Variants in PCDHGA11 observed in about 807,000 individuals in gnomAD.
The protein encoded by PCDHGA11 is protocadherin gamma subfamily A, 11.
Under a neutral mutation model 60.4 loss-of-function variants are expected in PCDHGA11, and 39 were observed. The observed-to-expected ratio is 0.65, with a 90% CI of 0.50 to 0.84. The LOEUF is 0.84. Among genes scored for constraint, PCDHGA11 ranks in the 40% least tolerant of loss-of-function variants. The probability of loss-of-function intolerance (pLI) is 0.00; values close to 1 mark genes in which losing one functional copy is unlikely to be tolerated. For synonymous variants in PCDHGA11, 533 were observed against 510.3 expected (o/e 1.04, Z -0.60); for missense variants, 1,165 against 1,197.7 (o/e 0.97, Z 0.40).
Position 141,489,806 on chromosome 5 carries a change from A to G in PCDHGA11, c.2434-5001A>G. 1 of 1,614,198 alleles carries G rather than the reference A, an allele frequency of 6.2e-7. No homozygotes were observed. Among genetic ancestry groups the G allele is most frequent in the South Asian group, 1.1e-5 (1 of 91,082 alleles). Reference sequence around the variant, plus strand: ...AATGTGAAGACCCTAAAAGATGGGAAGCCATTCCCAGAGCTGGTGCTAGAG... The same window carrying G: ...AATGTGAAGACCCTAAAAGATGGGAGGCCATTCCCAGAGCTGGTGCTAGAG... On this transcript the variant is annotated intron_variant, in intron 1 of 3. Coordinates refer to ENST00000398587, the MANE Select transcript of PCDHGA11 (RefSeq NM_018914.3). The surrounding 1 kb of genome is among the most constrained non-coding windows in gnomAD (Gnocchi z 4.5).
chr5:141,427,268 A>G (rs1433017911), intron 1 of PCDHGA11: 7 of 456,648 alleles, frequency 1.5e-5, no homozygotes, highest in Non-Finnish European at 3.1e-5. Flanking sequence ...TGACCAGCGA[A>G]TGTAAAATTA....
At position 141,490,960 on chromosome 5, in the gene PCDHGA11, T is replaced by G. The variant is rs1384140919; in HGVS notation, c.2434-3847T>G. 1.9e-6 allele frequency: 3 copies of G among 1,613,794 alleles called. No individual in the cohort carries two copies. In the Admixed American group the frequency reaches 5.0e-5, roughly 27 times the overall value. On this transcript the variant is annotated intron_variant, in intron 1 of 3. Transcript: ENST00000398587. The surrounding 1 kb of genome is among the most constrained non-coding windows in gnomAD (Gnocchi z 5.4). ...GCACCCACGGCCAGACTGGGAACAC[T>G]CAGCCCCCCAGCGTCTCCCTCGCTC...
chr5:141,509,179 C>T (rs895281717), intron 3 of PCDHGA11, among the ~76,000 whole-genome samples: 1 of 152,172 alleles, frequency 6.6e-6, no homozygotes, highest in African/African-American at 2.4e-5. Flanking sequence ...TCCTCTTATG[C>T]CGGCTTGAAA....
At chr5:141,471,504 G>A (rs1487198851) in intron 1 of PCDHGA11, 1 of 152,214 alleles carries the variant, frequency 6.6e-6, no homozygotes, top group Non-Finnish European at 1.5e-5. Flanking sequence ...ATGCAAGAGA[G>A]GGAGTAAAAA....
In PCDHGA11 at chr5:141,510,976, G is replaced by A. The variant is rs752758180; in HGVS notation, c.2611G>A (p.Gly871Arg). The change falls in exon 4 of 4, where the codon GGG (glycine) becomes AGG (arginine). Residue 871 changes from glycine to arginine, a missense_variant. Gly to Arg is a moderately radical substitution (Grantham distance 125, BLOSUM62 -2). Transcript: ENST00000398587. ...EAADGSSTLG[G>R]GAGTMGLSAR... ...TGCTGATGGGAGCTCCACCCTGGGA[G>A]GGGGTGCCGGCACCATGGGATTGAG... The A allele has an allele frequency of 5.0e-6, 8 of 1,614,046 alleles. No individual in the cohort carries two copies. The highest frequency in any genetic ancestry group is 6.8e-6 in the Non-Finnish European group (8 of 1,180,022).
At position 141,508,909 on chromosome 5, in the gene PCDHGA11, G is replaced by A. The variant is rs545345992; in HGVS notation, c.2582-2038G>A. ...GAGGGGAGGGGGCGGGGCGGTGGCG[G>A]ATCTGGCTTCCTTTTGGAGTTAATT... is the stretch of plus-strand genomic sequence containing the variant. On this transcript the variant is annotated intron_variant, in intron 3 of 3. Coordinates refer to ENST00000398587, the MANE Select transcript of PCDHGA11 (RefSeq NM_018914.3). 2.0e-5 allele frequency among the ~76,000 whole-genome samples: 3 copies of A among 152,202 alleles called. No homozygotes were observed. The South Asian group carries it at 6.2e-4, about 32-fold the overall frequency.
intron 1 of PCDHGA11, among the ~76,000 whole-genome samples, chr5:141,465,343 TG>T (rs1048302340): frequency 1.5e-4 from 23 of 152,118 alleles, no homozygotes; most frequent in African/African-American, 5.3e-4. Flanking sequence ...TATTGGTTAC[TG>T]AAGAAAAAAT....
chr5:141,435,804 A>AT (rs2097781092), intron 1 of PCDHGA11, among the ~76,000 whole-genome samples: 1 of 151,814 alleles, frequency 6.6e-6, no homozygotes, highest in Non-Finnish European at 1.5e-5. Flanking sequence ...CGTCCCAATT[A>AT]TTTTTTCTTT....
intron 1 of PCDHGA11, among the ~76,000 whole-genome samples, chr5:141,447,378 T>C (rs2098536967): frequency 6.6e-6 from 1 of 152,148 alleles, no homozygotes; most frequent in Non-Finnish European, 1.5e-5. Context: ...ACCCTGGTGA[T>C]CTGCCCACCT....
chr5:141,486,894 C>T lies in PCDHGA11; in HGVS notation c.2434-7913C>T. 1 of 1,614,228 alleles carries T rather than the reference C, an allele frequency of 6.2e-7. No homozygotes were observed. Among genetic ancestry groups the T allele is most frequent in the Non-Finnish European group, 8.5e-7 (1 of 1,180,052 alleles). On this transcript the variant is annotated intron_variant, in intron 1 of 3. Transcript: ENST00000398587. The surrounding 1 kb of genome is among the most constrained non-coding windows in gnomAD (Gnocchi z 5.0). ...CTCCGTCCTCGGGCCCGGCCTGGTT[C>T]CTTATGTCCCCAAGCACTGCCTCCA...
chr5:141,472,071 A>T (rs1243864250), intron 1 of PCDHGA11, among the ~76,000 whole-genome samples: 5 of 152,200 alleles, frequency 3.3e-5, no homozygotes, highest in South Asian at 2.1e-4. Context: ...GTCTGTGGTT[A>T]TATCAATGAG....
At chr5:141,455,506 G>T (rs1307993951) in intron 1 of PCDHGA11, among the ~76,000 whole-genome samples, 1 of 152,152 alleles carries the variant, frequency 6.6e-6, no homozygotes, top group African/African-American at 2.4e-5. Flanking sequence ...ATTTGCATAG[G>T]GCTCAGGGGA....
intron 2 of PCDHGA11, among the ~76,000 whole-genome samples, chr5:141,502,865 T>C (rs538731947): frequency 3.0e-5 from 4 of 131,428 alleles, no homozygotes; most frequent in Non-Finnish European, 6.3e-5. Context: ...TGACTCTCTG[T>C]CTTTTTTTTT....
At chr5:141,443,093 C>T (rs1316602934) in intron 1 of PCDHGA11, among the ~76,000 whole-genome samples, 2 of 151,940 alleles carry the variant, frequency 1.3e-5, no homozygotes, top group African/African-American at 4.8e-5. Flanking sequence ...CAGTCTCCTT[C>T]TCAAGCTGAA....
Position 141,487,333 on chromosome 5 carries a change from C to T in PCDHGA11, c.2434-7474C>T. 6.2e-7 allele frequency: 1 copy of T among 1,614,176 alleles called. No homozygotes were observed. The highest frequency in any genetic ancestry group is 8.5e-7 in the Non-Finnish European group (1 of 1,180,022). On this transcript the variant is annotated intron_variant, in intron 1 of 3. Transcript: ENST00000398587. The surrounding 1 kb of genome is among the most constrained non-coding windows in gnomAD (Gnocchi z 5.0). ...TCTCTAAGTGTCTTCGTGGGGCAGC[C>T]TGTGGAGTCACATGCTTTCCTGCTG...
intron 1 of PCDHGA11, among the ~76,000 whole-genome samples, chr5:141,438,626 A>G (rs1309857700): frequency 2.3e-5 from 1 of 43,566 alleles, no homozygotes; most frequent in Non-Finnish European, 3.7e-5. Flanking sequence ...ATATATATAT[A>G]TATATATATA....
At chr5:141,461,979 A>C (rs1420971777) in intron 1 of PCDHGA11, among the ~76,000 whole-genome samples, 1 of 152,144 alleles carries the variant, frequency 6.6e-6, no homozygotes, top group Non-Finnish European at 1.5e-5. Context: ...ATATGCCACC[A>C]CGCCAGGCTA....
At chr5:141,504,147 T>C (rs2099836026) in intron 2 of PCDHGA11, among the ~76,000 whole-genome samples, 1 of 152,198 alleles carries the variant, frequency 6.6e-6, no homozygotes, top group South Asian at 2.1e-4. Flanking sequence ...CCCCTGCAAA[T>C]TGAAATAATT....
At chr5:141,478,044 C>T in intron 1 of PCDHGA11, 2 of 1,614,184 alleles carry the variant, frequency 1.2e-6, no homozygotes, top group South Asian at 1.1e-5. Flanking sequence ...CCCAGGCAGA[C>T]TCTCACGGTC....
Sources: allele counts gnomAD v4.1 joint callset (sites outside exome capture counted in the v4.1 genomes callset), GRCh38; gene constraint gnomAD v4.1.1; non-coding constraint Gnocchi (gnomAD v3.1); transcripts MANE v1.5; gene names NCBI Gene and HGNC (gene_info 2026-07-23, HGNC 2026-07-21).